The following NUDCD1 variants were observed in gnomAD, a reference collection of about 807,000 sequenced individuals.
The protein encoded by NUDCD1 is nudC domain-containing protein 1.
In NUDCD1, 60 loss-of-function variants were observed where a neutral mutation model predicts 67.8. That is an observed-to-expected ratio of 0.88 (90% CI 0.72 to 1.10). The LOEUF is 1.10. NUDCD1 is among the 50% of genes least tolerant of loss of function. The pLI, the probability that NUDCD1 is intolerant of heterozygous loss-of-function variation, is 0.00. For synonymous variants in NUDCD1, 244 were observed against 230.8 expected (o/e 1.06, Z -0.52); for missense variants, 643 against 695.0 (o/e 0.93, Z 0.84).
chr8:109,316,990 A>C (rs1815415400), intron 2 of NUDCD1, among the ~76,000 whole-genome samples: 1 of 152,218 alleles, frequency 6.6e-6, no homozygotes, highest in Admixed American at 6.5e-5. Context: ...CCTTTCCTAA[A>C]GCTTGATTAG....
intron 4 of NUDCD1, among the ~76,000 whole-genome samples, chr8:109,292,325 AC>A (rs1814728805): frequency 6.6e-6 from 1 of 152,098 alleles, no homozygotes; most frequent in Non-Finnish European, 1.5e-5. Flanking sequence ...CAGAGATAAA[AC>A]TACAACACCA....
chr8:109,259,054 C>T (rs996049051), intron 8 of NUDCD1, among the ~76,000 whole-genome samples: 3 of 152,210 alleles, frequency 2.0e-5, no homozygotes, highest in African/African-American at 7.2e-5. Flanking sequence ...TAAATACTCA[C>T]ATTTTCTGCA....
intron 2 of NUDCD1, among the ~76,000 whole-genome samples, chr8:109,310,420 T>A (rs191610129): frequency 6.6e-6 from 1 of 152,346 alleles, no homozygotes. Flanking sequence ...CAGCCACATG[T>A]AGGAGAATGA....
At chr8:109,263,785 C>G (rs906054715) in intron 8 of NUDCD1, among the ~76,000 whole-genome samples, 32 of 152,066 alleles carry the variant, frequency 2.1e-4, no homozygotes, top group Admixed American at 2.1e-3. Context: ...CATAGTAATA[C>G]TAGGATGTAA....
chr8:109,246,156 T>C (rs564681506), intron 8 of NUDCD1, among the ~76,000 whole-genome samples: 19 of 152,204 alleles, frequency 1.2e-4, no homozygotes, highest in African/African-American at 4.3e-4. Context: ...GCCAAAAAGG[T>C]TGGGGACTGC....
rs139752011 is a variant in NUDCD1, at chr8:109,309,653, G to C, written c.273+12656C>G. Among the ~76,000 whole-genome samples, 16 of 152,274 alleles carry C rather than the reference G, an allele frequency of 1.1e-4. 2 individuals carry two copies. The East Asian group carries it at 3.1e-3, about 29-fold the overall frequency. On this transcript the variant is annotated intron_variant, in intron 2 of 9. Transcript: ENST00000239690. ...AATAAAGGGCATCCAAATCAGTAAA[G>C]AGAAAGTCAAACCGTTGCTGTTTAC...
rs1161896743 is a variant in NUDCD1 at position 109,251,168 on chromosome 8, C to CT, written c.1300-5688dup. Among the ~76,000 whole-genome samples, 678 of 134,664 alleles carry CT rather than the reference C, an allele frequency of 5.0e-3. 3 individuals are homozygous for CT. The highest frequency in any genetic ancestry group is 4.5e-3 in the Non-Finnish European group (284 of 62,602). The allele number at this position is 134,664 out of a possible 152,430, so 88.3% of individuals were successfully genotyped here. On this transcript the variant is annotated intron_variant, in intron 8 of 9. Transcript: ENST00000239690. The stretch of plus-strand genomic sequence containing the variant: ...ATAACTAATAAGGTCTCATCTATTT[C>CT]TTTTTTTTTTTTTCTTTTTTTTTTG...
intron 4 of NUDCD1, among the ~76,000 whole-genome samples, chr8:109,291,042 A>G (rs1814700185): frequency 1.3e-5 from 2 of 152,234 alleles, no homozygotes; most frequent in African/African-American, 2.4e-5. Flanking sequence ...CCGACATCAC[A>G]TATTTATAGC....
intron 8 of NUDCD1, among the ~76,000 whole-genome samples, chr8:109,257,739 C>T (rs1484015885): frequency 6.6e-6 from 1 of 152,048 alleles, no homozygotes; most frequent in African/African-American, 2.4e-5. Flanking sequence ...AGGGGTCAGA[C>T]AGTAAATATT....
At chr8:109,252,290 G>A (rs1813638841) in intron 8 of NUDCD1, among the ~76,000 whole-genome samples, 1 of 152,136 alleles carries the variant, frequency 6.6e-6, no homozygotes, top group African/African-American at 2.4e-5. Context: ...CCAGTGGTAG[G>A]AGACTTCTAA....
In NUDCD1 at chr8:109,322,707, T is replaced by C. The variant is rs866032036; in HGVS notation, c.119-244A>G. Among the ~76,000 whole-genome samples, 4 of 152,266 alleles carry C rather than the reference T, an allele frequency of 2.6e-5. No homozygotes were observed. In the South Asian group the frequency reaches 6.2e-4, roughly 24 times the overall value. ...CTTAGAATACAGCGGCCACAGGAGA[T>C]AGGGCTTTTTATGTCATGACCCTCT... On this transcript the variant is annotated intron_variant, in intron 1 of 9. Coordinates refer to ENST00000239690, the MANE Select transcript of NUDCD1 (RefSeq NM_032869.4).
intron 2 of NUDCD1, among the ~76,000 whole-genome samples, chr8:109,306,515 T>C (rs944612275): frequency 6.6e-6 from 1 of 152,110 alleles, no homozygotes; most frequent in African/African-American, 2.4e-5. Flanking sequence ...CTGTATATTT[T>C]TAAAAGAAGA....
At chr8:109,315,181 CTT>C (rs1285642020) in intron 2 of NUDCD1, 1 of 127,496 alleles carries the variant, frequency 7.8e-6, no homozygotes, top group Admixed American at 8.6e-5. Flanking sequence ...TTACCCCACT[CTT>C]TATTTTTTTC....
chr8:109,331,143 C>A (rs1392776829), intron 1 of NUDCD1, among the ~76,000 whole-genome samples: 1 of 151,992 alleles, frequency 6.6e-6, no homozygotes, highest in Non-Finnish European at 1.5e-5. Context: ...GAGTTCAAGA[C>A]CAGCTTGGCC....
At chr8:109,296,623 C>T in intron 2 of NUDCD1, 54 bp from the exon 3 acceptor site, 1 of 1,195,426 alleles carries the variant, frequency 8.4e-7, no homozygotes, top group East Asian at 2.4e-5. Context: ...GATCCACACA[C>T]ACAAAATAAA....
chr8:109,288,911 G>C (rs2926270), intron 5 of NUDCD1, among the ~76,000 whole-genome samples: 3 of 151,616 alleles, frequency 2.0e-5, no homozygotes, highest in African/African-American at 7.3e-5. Flanking sequence ...ATGTTCTCTT[G>C]AACAGCTTTA....
At chr8:109,330,345 T>C (rs1586317854) in intron 1 of NUDCD1, among the ~76,000 whole-genome samples, 1 of 152,222 alleles carries the variant, frequency 6.6e-6, no homozygotes, top group Non-Finnish European at 1.5e-5. Flanking sequence ...ACATCATCTT[T>C]ACATCTTAAA....
intron 8 of NUDCD1, among the ~76,000 whole-genome samples, chr8:109,262,635 C>A (rs1004024271): frequency 3.9e-5 from 6 of 152,152 alleles, no homozygotes; most frequent in African/African-American, 1.4e-4. Flanking sequence ...CAAAGTAAAT[C>A]AATCAATCAT....
chr8:109,326,934 A>C (rs1267109695), intron 1 of NUDCD1, among the ~76,000 whole-genome samples: 1 of 152,238 alleles, frequency 6.6e-6, no homozygotes, highest in Non-Finnish European at 1.5e-5. Context: ...CTCAAAATAC[A>C]CTATTACTTG....
Sources: allele counts gnomAD v4.1 joint callset (sites outside exome capture counted in the v4.1 genomes callset), GRCh38; gene constraint gnomAD v4.1.1; transcripts MANE v1.5; gene names NCBI Gene and HGNC (gene_info 2026-07-23, HGNC 2026-07-21).